PLCB1: variants seen among roughly 807,000 people sequenced by gnomAD.
The protein encoded by PLCB1 is phospholipase C beta 1.
PLCB1 carries 46 observed loss-of-function variants against 161.8 expected under a neutral mutation model. The ratio of observed to expected loss-of-function variants is 0.28; its 90% CI spans 0.22 to 0.36. The LOEUF (loss-of-function observed/expected upper bound fraction) is 0.36, where lower values mean the gene tolerates loss of function less well. Among genes scored for constraint, PLCB1 ranks in the 10% least tolerant of loss-of-function variants. The pLI is 1.00. For missense variants in PLCB1, 1,016 were observed against 1,472.5 expected (o/e 0.69, Z 5.07); for synonymous variants, 517 against 503.7 (o/e 1.03, Z -0.35).
intron 25 of PLCB1, among the ~76,000 whole-genome samples, chr20:8,763,417 ACT>A (rs1011290590): frequency 1.3e-5 from 2 of 151,706 alleles, no homozygotes; most frequent in South Asian, 2.1e-4. Context: ...CAAGAGTCTA[ACT>A]CTGCCACCCA....
chr20:8,814,471 T>C lies in PLCB1; in HGVS notation c.3423+24210T>C, dbSNP rs550780204. On this transcript the variant is annotated intron_variant, in intron 31 of 31. Coordinates refer to ENST00000338037, the MANE Select transcript of PLCB1 (RefSeq NM_015192.4). ...TTTTAACATCTTTTCTCTCTTAAAA[T>C]TGGAGGACAGGGATTTATAAGTAGT... Among the ~76,000 whole-genome samples the C allele has an allele frequency of 1.1e-4, 16 of 152,286 alleles. No individual in the cohort carries two copies. In the South Asian group the frequency reaches 3.3e-3, roughly 32 times the overall value.
chr20:8,488,964 C>T (rs1399154912), intron 3 of PLCB1, among the ~76,000 whole-genome samples: 1 of 152,146 alleles, frequency 6.6e-6, no homozygotes, highest in African/African-American at 2.4e-5. Context: ...TCTGTTTAAT[C>T]TCAGCAGTGG....
chr20:8,765,644 G>C (rs1294500028), intron 26 of PLCB1, among the ~76,000 whole-genome samples: 1 of 152,100 alleles, frequency 6.6e-6, no homozygotes, highest in Non-Finnish European at 1.5e-5. Context: ...CAATCTCATG[G>C]GTATGAGACT....
chr20:8,695,736 T>C (rs921446985), intron 10 of PLCB1, among the ~76,000 whole-genome samples: 1 of 152,170 alleles, frequency 6.6e-6, no homozygotes, highest in Non-Finnish European at 1.5e-5. Flanking sequence ...TTGGGGCTTA[T>C]AGAATATAAA....
chr20:8,501,328 C>T (rs1346226142), intron 3 of PLCB1, among the ~76,000 whole-genome samples: 11 of 152,250 alleles, frequency 7.2e-5, no homozygotes, highest in Admixed American at 7.2e-4. Context: ...ATTGGATGAG[C>T]AGTAGACTGC....
In PLCB1 at chr20:8,658,683, A is replaced by G; in HGVS notation, c.841A>G (p.Asn281Asp). 3.1e-6 allele frequency: 5 copies of G among 1,605,560 alleles called. No homozygotes were observed. Among genetic ancestry groups the G allele is most frequent in the Non-Finnish European group, 4.2e-6 (5 of 1,177,368 alleles). ...AGTATTGATTGAGAAGTATGAACCC[A>G]ACAACAGCCTCGCCAGAAAAGGTCA... ...VQVLIEKYEP[N>D]NSLARKGQIS... Residue 281 changes from asparagine (N) to aspartate (D), a missense_variant, in exon 9 of 32, where the codon AAC (asparagine) becomes GAC (aspartate). This residue lies in a region of PLCB1 where 117 missense variants were observed against 142.2 expected (regional missense o/e 0.82). Transcript: ENST00000338037.
At chr20:8,370,437 T>C (rs1476277401) in intron 2 of PLCB1, among the ~76,000 whole-genome samples, 2 of 152,202 alleles carry the variant, frequency 1.3e-5, no homozygotes, top group African/African-American at 4.8e-5. Flanking sequence ...CCTGCACCTT[T>C]GCAGTTCTTC....
At chr20:8,368,088 G>T (rs889510356) in intron 2 of PLCB1, among the ~76,000 whole-genome samples, 1 of 152,094 alleles carries the variant, frequency 6.6e-6, no homozygotes. Context: ...GGAATACAGA[G>T]TTCATTATCT....
intron 3 of PLCB1, among the ~76,000 whole-genome samples, chr20:8,401,104 G>A (rs1352674759): frequency 6.6e-6 from 1 of 152,126 alleles, no homozygotes; most frequent in Non-Finnish European, 1.5e-5. Flanking sequence ...AAAATTGGGA[G>A]CTCTTTATTA....
intron 2 of PLCB1, among the ~76,000 whole-genome samples, chr20:8,158,546 A>T (rs189456524): frequency 6.6e-6 from 1 of 152,300 alleles, no homozygotes; most frequent in Admixed American, 6.5e-5. Flanking sequence ...AAAACAAATC[A>T]TGCCTTTCCA....
At chr20:8,866,787 C>T (rs1419975071) in intron 31 of PLCB1, among the ~76,000 whole-genome samples, 1 of 152,152 alleles carries the variant, frequency 6.6e-6, no homozygotes, top group Non-Finnish European at 1.5e-5. Flanking sequence ...TCAAGCACAA[C>T]AAGCAGGCTT....
chr20:8,503,864 C>T (rs1030022028), intron 3 of PLCB1, among the ~76,000 whole-genome samples: 1 of 151,946 alleles, frequency 6.6e-6, no homozygotes, highest in Non-Finnish European at 1.5e-5. Context: ...CTAGAAAAGT[C>T]GAATGTAAAA....
intron 3 of PLCB1, among the ~76,000 whole-genome samples, chr20:8,505,395 T>C (rs1041037473): frequency 6.6e-6 from 1 of 152,212 alleles, no homozygotes; most frequent in African/African-American, 2.4e-5. Context: ...AAGGAATGGA[T>C]AATGGATACT....
chr20:8,331,038 C>T (rs1346831827), intron 2 of PLCB1, among the ~76,000 whole-genome samples: 1 of 152,162 alleles, frequency 6.6e-6, no homozygotes, highest in Non-Finnish European at 1.5e-5. Context: ...AAAATTCATC[C>T]ACACACATGC....
chr20:8,740,032 A>C (rs1243900419), intron 21 of PLCB1, among the ~76,000 whole-genome samples: 1 of 152,198 alleles, frequency 6.6e-6, no homozygotes, highest in Non-Finnish European at 1.5e-5. Flanking sequence ...TTTTAAAAAA[A>C]GAAGTCATGT....
At chr20:8,519,312 G>A (rs955765366) in intron 3 of PLCB1, among the ~76,000 whole-genome samples, 3 of 152,278 alleles carry the variant, frequency 2.0e-5, no homozygotes, top group South Asian at 4.2e-4. Flanking sequence ...AGTGCATTTA[G>A]TATGGAGCTG....
chr20:8,265,375 G>A (rs566693315), intron 2 of PLCB1, among the ~76,000 whole-genome samples: 9 of 152,258 alleles, frequency 5.9e-5, no homozygotes, highest in East Asian at 3.9e-4. Flanking sequence ...AGCGAATGGC[G>A]AAGTACCATT....
intron 24 of PLCB1, among the ~76,000 whole-genome samples, chr20:8,757,654 C>A (rs890645902): frequency 6.6e-6 from 1 of 152,078 alleles, no homozygotes; most frequent in Non-Finnish European, 1.5e-5. Flanking sequence ...TCCCCCCATA[C>A]CAGGCCCAAG....
intron 26 of PLCB1, among the ~76,000 whole-genome samples, chr20:8,774,007 T>C (rs1019266440): frequency 1.3e-5 from 2 of 148,532 alleles, no homozygotes; most frequent in African/African-American, 5.2e-5. Flanking sequence ...GAAACAGAAC[T>C]CAGATGTCAG....
Sources: gnomAD v4.1 joint callset for allele counts (sites outside exome capture counted in the v4.1 genomes callset) on GRCh38, gnomAD v4.1.1 for gene constraint, gnomAD v4.1.1 regional missense constraint, MANE v1.5 for transcripts, NCBI Gene and HGNC (gene_info 2026-07-23, HGNC 2026-07-21) for gene names.